Variants in SGCD observed in about 807,000 individuals in gnomAD.
The protein encoded by SGCD is delta-sarcoglycan.
A neutral mutation model predicts 36.6 loss-of-function variants in SGCD; 18 were observed. The ratio of observed to expected loss-of-function variants is 0.49; its 90% CI spans 0.34 to 0.73. The LOEUF (loss-of-function observed/expected upper bound fraction) is 0.73, where lower values mean the gene tolerates loss of function less well. SGCD is among the 30% of genes least tolerant of loss of function. The pLI, the probability that SGCD is intolerant of heterozygous loss-of-function variation, is 0.01. For missense variants in SGCD, 387 were observed against 346.7 expected, an observed-to-expected ratio of 1.12 and a Z score of -0.92; for synonymous variants, 133 against 130.6, an observed-to-expected ratio of 1.02 and a Z score of -0.12.
chr5:155,741,940 C>T, the SGCD span, among the ~76,000 whole-genome samples: 1 of 152,084 alleles, frequency 6.6e-6, no homozygotes, highest in South Asian at 2.1e-4. Context: ...CTGCCTTGGC[C>T]TCCCAAAGTG....
At chr5:155,883,564 C>A (rs562044007) in intron 1 of SGCD, among the ~76,000 whole-genome samples, 3 of 152,130 alleles carry the variant, frequency 2.0e-5, no homozygotes, top group South Asian at 2.1e-4. Flanking sequence ...CAGTTCACAA[C>A]ATTTATGGAT....
At chr5:156,235,350 A>G (rs1191028352) in intron 3 of SGCD, among the ~76,000 whole-genome samples, 2 of 152,204 alleles carry the variant, frequency 1.3e-5, no homozygotes, top group Non-Finnish European at 2.9e-5. Flanking sequence ...AGCAAGGATA[A>G]AGGAAATGAG....
intron 2 of SGCD, among the ~76,000 whole-genome samples, chr5:156,331,987 C>T (rs147578273): frequency 2.8e-4 from 43 of 152,238 alleles, no homozygotes; most frequent in African/African-American, 1.0e-3. Context: ...TTCCATTCAC[C>T]CTTGCAAGTT....
chr5:155,963,927 G>A (rs1477802784), intron 1 of SGCD, among the ~76,000 whole-genome samples: 1 of 152,100 alleles, frequency 6.6e-6, no homozygotes, highest in Admixed American at 6.6e-5. Context: ...CATTGCAGAT[G>A]TTGAGTTTTT....
chr5:156,382,250 T>G lies in SGCD; in HGVS notation c.192+37573T>G, dbSNP rs1294853849. Among the ~76,000 whole-genome samples the G allele has an allele frequency of 3.9e-5, 6 of 152,258 alleles. No homozygotes were observed. In the East Asian group the frequency reaches 5.8e-4, roughly 15 times the overall value. On this transcript the variant is annotated intron_variant, in intron 3 of 8. Coordinates refer to ENST00000337851, the MANE Select transcript of SGCD (RefSeq NM_000337.6). ...TAGATGGTCACCTGGCACATCATCA[T>G]GTCCTTCTCTGCCCTAAACACTCCC...
At chr5:156,577,168 A>G (rs1394353964) in intron 4 of SGCD, among the ~76,000 whole-genome samples, 3 of 152,202 alleles carry the variant, frequency 2.0e-5, no homozygotes, top group African/African-American at 7.2e-5. Flanking sequence ...CATTTATTAA[A>G]TAGGGAATCC....
In SGCD at chr5:156,158,328, G is replaced by A. The variant is rs187973701; in HGVS notation, c.-44+34309G>A. 1.3e-4 allele frequency among the ~76,000 whole-genome samples: 20 copies of A among 151,722 alleles called. No homozygotes were observed. The East Asian group carries it at 3.5e-3, about 26-fold the overall frequency. The stretch of plus-strand genomic sequence containing the variant: ...CTTTGGGAGAGAATAACTTTTTTCT[G>A]TGAAGTCAAATCAGCCAGAGAAAAA... On this transcript the variant is annotated intron_variant, in intron 3 of 9. Coordinates refer to the SGCD transcript ENST00000517913.
At chr5:156,279,805 C>G (rs762303585) in intron 3 of SGCD, among the ~76,000 whole-genome samples, 6 of 152,026 alleles carry the variant, frequency 3.9e-5, no homozygotes, top group Non-Finnish European at 8.8e-5. Flanking sequence ...ATGGAAATCT[C>G]CAGGAAGCTA....
chr5:156,498,944 G>C (rs143015681), intron 3 of SGCD, among the ~76,000 whole-genome samples: 23,282 of 151,762 alleles, frequency 0.15, 2,219 homozygotes, highest in East Asian at 0.23. Context: ...ACGTGTGTGT[G>C]TGTGTGTGTG....
At chr5:156,575,964 G>T (rs1459264831) in intron 4 of SGCD, among the ~76,000 whole-genome samples, 1 of 152,044 alleles carries the variant, frequency 6.6e-6, no homozygotes, top group African/African-American at 2.4e-5. Flanking sequence ...TAGGGTACAC[G>T]TGCACAACAT....
chr5:155,992,790 T>C (rs1758459806), intron 1 of SGCD, among the ~76,000 whole-genome samples: 1 of 152,240 alleles, frequency 6.6e-6, no homozygotes, highest in African/African-American at 2.4e-5. Flanking sequence ...TGGGGTTGAC[T>C]TGATGGCTGG....
intron 7 of SGCD, among the ~76,000 whole-genome samples, chr5:156,750,599 T>G (rs1035040742): frequency 6.6e-6 from 1 of 151,028 alleles, no homozygotes; most frequent in African/African-American, 2.4e-5. Flanking sequence ...TAAGCCAAGA[T>G]TGCGCCACCG....
intron 1 of SGCD, among the ~76,000 whole-genome samples, chr5:155,934,497 G>A (rs1045178429): frequency 6.6e-6 from 1 of 152,138 alleles, no homozygotes; most frequent in Non-Finnish European, 1.5e-5. Context: ...TAAAATGAGT[G>A]TTTCCAACTT....
chr5:156,082,402 C>T (rs1278843358), intron 1 of SGCD, among the ~76,000 whole-genome samples: 1 of 152,122 alleles, frequency 6.6e-6, no homozygotes, highest in South Asian at 2.1e-4. Context: ...GCCCCTTACC[C>T]TCTATACCTT....
intron 1 of SGCD, among the ~76,000 whole-genome samples, chr5:156,054,284 C>CTT (rs70981996): frequency 0.016 from 1,317 of 80,376 alleles, 102 homozygotes; most frequent in African/African-American, 0.048. Flanking sequence ...AACTTTCCTT[C>CTT]TTTTTTTTTT....
chr5:156,595,481 C>T (rs561740632), intron 6 of SGCD, among the ~76,000 whole-genome samples: 5 of 152,178 alleles, frequency 3.3e-5, no homozygotes, highest in Non-Finnish European at 7.3e-5. Context: ...CAAATGGTGT[C>T]TAGAAGAGTG....
intron 3 of SGCD, among the ~76,000 whole-genome samples, chr5:156,254,559 A>G (rs1435407065): frequency 6.6e-6 from 1 of 152,116 alleles, no homozygotes; most frequent in African/African-American, 2.4e-5. Flanking sequence ...TTTAAATCTC[A>G]TATTGTTGGC....
intron 3 of SGCD, among the ~76,000 whole-genome samples, chr5:156,370,580 C>T (rs1433290431): frequency 2.0e-5 from 3 of 152,096 alleles, no homozygotes; most frequent in South Asian, 4.1e-4. Flanking sequence ...GTGCTTTATT[C>T]GTTTATGATG....
intron 4 of SGCD, among the ~76,000 whole-genome samples, chr5:156,588,789 A>G (rs1241386068): frequency 1.3e-5 from 2 of 152,216 alleles, no homozygotes; most frequent in African/African-American, 2.4e-5. Context: ...GATCTTGGGT[A>G]TTTTACAGAA....
Sources: gnomAD v4.1 joint callset for allele counts (sites outside exome capture counted in the v4.1 genomes callset) on GRCh38, gnomAD v4.1.1 for gene constraint, MANE v1.5 for transcripts, NCBI Gene and HGNC (gene_info 2026-07-23, HGNC 2026-07-21) for gene names.